PCDH15: variants seen among roughly 807,000 people sequenced by gnomAD.
The protein encoded by PCDH15 is protocadherin related 15.
PCDH15 carries 129 observed loss-of-function variants against 178.5 expected under a neutral mutation model. The observed-to-expected ratio is 0.72, with a 90% CI of 0.63 to 0.84. The LOEUF (loss-of-function observed/expected upper bound fraction) is 0.84. Ranked by LOEUF, PCDH15 falls within the 40% of genes least tolerant of loss-of-function variation. PCDH15 has a pLI of 0.00. For synonymous variants in PCDH15, 800 were observed against 732.0 expected (o/e 1.09, Z -1.50); for missense variants, 2,230 against 2,099.9 (o/e 1.06, Z -1.21).
rs373348315 is a variant in PCDH15, at chr10:55,306,128, T to A, written c.-156+13471A>T. On this transcript the variant is annotated intron_variant, in intron 1 of 5. Coordinates refer to the PCDH15 transcript ENST00000458638. Reference sequence around the variant, plus strand: ...ATTAACATTGTGAAAATATGGATAATCTATCAATTTCCAAAATCAATCAAG... The same window carrying A: ...ATTAACATTGTGAAAATATGGATAAACTATCAATTTCCAAAATCAATCAAG... Among the ~76,000 whole-genome samples, 4 of 152,282 alleles carry A rather than the reference T, an allele frequency of 2.6e-5. No individual in the cohort carries two copies. The South Asian group carries it at 8.3e-4, about 32-fold the overall frequency.
At chr10:54,168,442 G>C (rs1273740011) in intron 13 of PCDH15, among the ~76,000 whole-genome samples, 1 of 150,798 alleles carries the variant, frequency 6.6e-6, no homozygotes, top group Non-Finnish European at 1.5e-5. Context: ...GCTGCTCCTC[G>C]CCAGGCCGAG....
At chr10:55,249,391 T>C (rs1283818916) in intron 1 of PCDH15, among the ~76,000 whole-genome samples, 1 of 152,180 alleles carries the variant, frequency 6.6e-6, no homozygotes, top group Admixed American at 6.5e-5. Flanking sequence ...GACAACATGC[T>C]GTTCATCTAC....
At chr10:54,005,665 C>G (rs1488288087) in intron 20 of PCDH15, among the ~76,000 whole-genome samples, 1 of 151,926 alleles carries the variant, frequency 6.6e-6, no homozygotes, top group East Asian at 1.9e-4. Flanking sequence ...ATGGCAAATG[C>G]TAATAAGGAT....
chr10:54,730,689 GA>G (rs1447924715), intron 1 of PCDH15, among the ~76,000 whole-genome samples: 1 of 151,400 alleles, frequency 6.6e-6, no homozygotes, highest in Admixed American at 6.6e-5. Flanking sequence ...ATGATGCTGA[GA>G]AAACTGGATA....
chr10:55,148,638 G>A (rs1838600001), intron 2 of PCDH15, among the ~76,000 whole-genome samples: 3 of 151,458 alleles, frequency 2.0e-5, no homozygotes. Context: ...ACTTAAGTTT[G>A]GTAGCATATA....
chr10:54,448,235 GTTTTGAAACA>G (rs1314057256), intron 3 of PCDH15, among the ~76,000 whole-genome samples: 2 of 151,660 alleles, frequency 1.3e-5, no homozygotes, highest in Non-Finnish European at 3.0e-5. Context: ...ATAATAAAGT[GTTTTGAAACA>G]TTAATGTCAT....
chr10:55,254,471 T>C (rs1230029283), intron 1 of PCDH15, among the ~76,000 whole-genome samples: 1 of 151,536 alleles, frequency 6.6e-6, no homozygotes, highest in East Asian at 1.9e-4. Context: ...CAAGATATCT[T>C]TTCCAGTTGC....
intron 1 of PCDH15, among the ~76,000 whole-genome samples, chr10:55,254,479 T>A (rs1407237985): frequency 6.6e-6 from 1 of 152,146 alleles, no homozygotes; most frequent in Non-Finnish European, 1.5e-5. Context: ...CTTTTCCAGT[T>A]GCAAGCTGTC....
intron 2 of PCDH15, among the ~76,000 whole-genome samples, chr10:55,475,079 T>C (rs978771197): frequency 6.6e-6 from 1 of 152,040 alleles, no homozygotes; most frequent in African/African-American, 2.4e-5. Flanking sequence ...GGGAGGGATG[T>C]GTACAGAGAT....
chr10:55,004,458 A>G (rs1480068454), intron 2 of PCDH15, among the ~76,000 whole-genome samples: 1 of 152,148 alleles, frequency 6.6e-6, no homozygotes, highest in African/African-American at 2.4e-5. Context: ...TTCTCAGGAA[A>G]TCAACCACCA....
intron 37 of PCDH15, chr10:53,809,180 C>G: frequency 1.9e-6 from 3 of 1,613,954 alleles, no homozygotes; most frequent in African/African-American, 1.3e-5. Flanking sequence ...TCAGATTCCT[C>G]TTCTGTAGTC....
intron 2 of PCDH15, among the ~76,000 whole-genome samples, chr10:54,990,648 T>C (rs1005695777): frequency 6.6e-6 from 1 of 152,206 alleles, no homozygotes; most frequent in African/African-American, 2.4e-5. Context: ...ATATAAACCA[T>C]CATTGCAAAT....
chr10:55,368,317 CA>C (rs1845416380), intron 2 of PCDH15, among the ~76,000 whole-genome samples: 1 of 152,076 alleles, frequency 6.6e-6, no homozygotes, highest in South Asian at 2.1e-4. Flanking sequence ...CTAACATAGG[CA>C]TGTGAGCATA....
At chr10:55,113,434 T>C (rs1837557698) in intron 2 of PCDH15, among the ~76,000 whole-genome samples, 1 of 151,986 alleles carries the variant, frequency 6.6e-6, no homozygotes, top group African/African-American at 2.4e-5. Flanking sequence ...AAAGGAAGAA[T>C]TATATTCTCC....
intron 3 of PCDH15, among the ~76,000 whole-genome samples, chr10:54,427,269 G>GT (rs71007854): frequency 0.037 from 2,091 of 56,776 alleles, 538 homozygotes; most frequent in Non-Finnish European, 0.048. Flanking sequence ...TCTTTTTCTG[G>GT]TTTTTTTTTT....
chr10:54,539,222 T>C (rs2084923431), intron 2 of PCDH15, among the ~76,000 whole-genome samples: 1 of 152,176 alleles, frequency 6.6e-6, no homozygotes, highest in Non-Finnish European at 1.5e-5. Flanking sequence ...TCATCTGGTA[T>C]CTTCAAGAGA....
intron 26 of PCDH15, among the ~76,000 whole-genome samples, chr10:53,890,573 A>G (rs1312440124): frequency 6.6e-6 from 1 of 152,216 alleles, no homozygotes; most frequent in Non-Finnish European, 1.5e-5. Context: ...AAGAGACCAT[A>G]AATGTCTAGG....
intron 23 of PCDH15, among the ~76,000 whole-genome samples, chr10:53,952,744 T>G (rs1362564173): frequency 2.0e-5 from 3 of 152,158 alleles, no homozygotes; most frequent in African/African-American, 4.8e-5. Context: ...GCAGGCCCGC[T>G]CCAGGCCACC....
At chr10:54,754,668 G>T (rs1946814416) in intron 1 of PCDH15, among the ~76,000 whole-genome samples, 1 of 151,822 alleles carries the variant, frequency 6.6e-6, no homozygotes, top group Admixed American at 6.6e-5. Flanking sequence ...TAGAAGATTA[G>T]ATTACCTTAG....
Sources: allele counts gnomAD v4.1 joint callset (sites outside exome capture counted in the v4.1 genomes callset), GRCh38; gene constraint gnomAD v4.1.1; transcripts MANE v1.5; gene names NCBI Gene and HGNC (gene_info 2026-07-23, HGNC 2026-07-21).